PTPRD: variants seen among roughly 807,000 people sequenced by gnomAD.
The protein encoded by PTPRD is protein tyrosine phosphatase receptor type D, also known as receptor-type tyrosine-protein phosphatase delta.
In PTPRD, 34 loss-of-function variants were observed where a neutral mutation model predicts 214.5. The observed-to-expected ratio is 0.16, with a 90% confidence interval of 0.12 to 0.21. The LOEUF is 0.21. PTPRD is among the 10% of genes least tolerant of loss of function. The pLI is 1.00. For missense variants in PTPRD, 2,545 were observed against 2,398.7 expected (o/e 1.06, Z -1.27); for synonymous variants, 1,128 against 845.7 (o/e 1.33, Z -5.79).
At chr9:9,423,657 T>C (rs1444666351) in intron 8 of PTPRD, among the ~76,000 whole-genome samples, 2 of 152,086 alleles carry the variant, frequency 1.3e-5, no homozygotes, top group East Asian at 3.9e-4. Context: ...GCAACAGAGA[T>C]AACTGCATCA....
intron 11 of PTPRD, among the ~76,000 whole-genome samples, chr9:8,921,529 T>C (rs2098827896): frequency 6.6e-6 from 1 of 152,086 alleles, no homozygotes; most frequent in Non-Finnish European, 1.5e-5. Context: ...AGTCTCACTC[T>C]GTCGCCCAGG....
chr9:9,704,119 TTA>T (rs1564644013), intron 7 of PTPRD, among the ~76,000 whole-genome samples: 7 of 152,190 alleles, frequency 4.6e-5, no homozygotes. Context: ...TTTTTAAAAT[TTA>T]TATGTTAATT....
intron 4 of PTPRD, among the ~76,000 whole-genome samples, chr9:9,946,276 T>C (rs2092543677): frequency 6.6e-6 from 1 of 152,166 alleles, no homozygotes; most frequent in African/African-American, 2.4e-5. Context: ...TGGTACTCAA[T>C]ACTTGCTTAT....
intron 5 of PTPRD, among the ~76,000 whole-genome samples, chr9:9,801,209 G>A (rs182891673): frequency 4.0e-4 from 60 of 151,886 alleles, no homozygotes; most frequent in African/African-American, 1.3e-3. Context: ...ATTAGTACCC[G>A]GTATACATTC....
intron 11 of PTPRD, among the ~76,000 whole-genome samples, chr9:8,921,113 C>CTCCCAATAAATTTT (rs1208805996): frequency 1.3e-5 from 2 of 152,270 alleles, no homozygotes; most frequent in East Asian, 3.9e-4. Context: ...CGCGTCTGGC[C>CTCCCAATAAATTTT]GAAGTTATTC....
chr9:9,400,389 G>GGA lies in PTPRD; in HGVS notation c.-236-2909_-236-2908dup, dbSNP rs1338937235. On this transcript the variant is annotated intron_variant, in intron 8 of 45. Coordinates refer to ENST00000381196, the MANE Select transcript of PTPRD (RefSeq NM_002839.4). Reference sequence around the variant, plus strand: ...GTATCTGTTCTGAGGACATTTAAAAGGAGATTTTCTTTCACATGATTGAAA... The same window carrying GGA: ...GTATCTGTTCTGAGGACATTTAAAAGGAGAGATTTTCTTTCACATGATTGAAA... 6.6e-5 allele frequency among the ~76,000 whole-genome samples: 10 copies of GGA among 151,954 alleles called. No homozygotes were observed. The East Asian group carries it at 1.8e-3, about 27-fold the overall frequency.
At chr9:9,194,465 C>G (rs2099937062) in intron 9 of PTPRD, among the ~76,000 whole-genome samples, 1 of 152,136 alleles carries the variant, frequency 6.6e-6, no homozygotes, top group Non-Finnish European at 1.5e-5. Context: ...AGCATCGCCA[C>G]AAACATATGA....
chr9:9,856,233 T>C (rs561555433), intron 5 of PTPRD, among the ~76,000 whole-genome samples: 41 of 152,200 alleles, frequency 2.7e-4, no homozygotes, highest in Non-Finnish European at 3.5e-4. Context: ...CAGCCACTCT[T>C]CCTCTCTGCC....
intron 7 of PTPRD, among the ~76,000 whole-genome samples, chr9:9,698,046 T>C (rs1033919299): frequency 1.3e-5 from 2 of 152,198 alleles, no homozygotes; most frequent in African/African-American, 4.8e-5. Flanking sequence ...TTGACTTTTA[T>C]TCTGTGTTAT....
chr9:9,043,541 G>A (rs2099652267), intron 10 of PTPRD, among the ~76,000 whole-genome samples: 1 of 152,138 alleles, frequency 6.6e-6, no homozygotes, highest in Admixed American at 6.6e-5. Flanking sequence ...TGGAGAAGGT[G>A]CCACTCTATC....
chr9:8,899,010 T>C (rs1231355850), intron 11 of PTPRD, among the ~76,000 whole-genome samples: 1 of 152,180 alleles, frequency 6.6e-6, no homozygotes, highest in Admixed American at 6.6e-5. Context: ...TGAAAATTTG[T>C]CATTTTGGAT....
At chr9:8,993,870 G>A (rs1470344687) in intron 11 of PTPRD, among the ~76,000 whole-genome samples, 1 of 152,064 alleles carries the variant, frequency 6.6e-6, no homozygotes, top group Non-Finnish European at 1.5e-5. Context: ...AACCTAGCAG[G>A]AGGGACACAA....
chr9:9,759,974 G>C (rs1020948970), intron 6 of PTPRD, among the ~76,000 whole-genome samples: 1 of 151,944 alleles, frequency 6.6e-6, no homozygotes, highest in South Asian at 2.1e-4. Context: ...CTCTAACCTG[G>C]TGTTGTACAT....
intron 9 of PTPRD, among the ~76,000 whole-genome samples, chr9:9,235,796 A>G (rs1400177405): frequency 1.3e-5 from 2 of 152,150 alleles, no homozygotes; most frequent in Non-Finnish European, 2.9e-5. Flanking sequence ...CCAAATTCAG[A>G]TTAACATGAA....
intron 4 of PTPRD, among the ~76,000 whole-genome samples, chr9:10,012,231 C>T (rs2096615774): frequency 6.6e-6 from 1 of 151,628 alleles, no homozygotes; most frequent in South Asian, 2.1e-4. Flanking sequence ...AAGGGATAAT[C>T]ATCTATATGA....
intron 8 of PTPRD, among the ~76,000 whole-genome samples, chr9:9,398,496 A>T (rs1044415419): frequency 3.9e-5 from 6 of 152,000 alleles, no homozygotes; most frequent in African/African-American, 1.4e-4. Flanking sequence ...TATTTTGTCA[A>T]TCATTCTTTA....
intron 11 of PTPRD, among the ~76,000 whole-genome samples, chr9:8,888,658 C>G (rs2098511690): frequency 6.6e-6 from 1 of 152,194 alleles, no homozygotes; most frequent in Non-Finnish European, 1.5e-5. Flanking sequence ...ATGGCTGCTT[C>G]TAACTGTGGT....
intron 3 of PTPRD, among the ~76,000 whole-genome samples, chr9:10,064,274 A>T (rs757719149): frequency 6.6e-6 from 1 of 151,998 alleles, no homozygotes; most frequent in Non-Finnish European, 1.5e-5. Flanking sequence ...GTATTAACTT[A>T]AAACCTTAAT....
chr9:9,815,792 C>A (rs2048571049), intron 5 of PTPRD, among the ~76,000 whole-genome samples: 1 of 152,092 alleles, frequency 6.6e-6, no homozygotes, highest in African/African-American at 2.4e-5. Context: ...AGAGTCCAGA[C>A]TTATAAGACG....
Sources: gnomAD v4.1 joint callset for allele counts (sites outside exome capture counted in the v4.1 genomes callset) on GRCh38, gnomAD v4.1.1 for gene constraint, MANE v1.5 for transcripts, NCBI Gene and HGNC (gene_info 2026-07-23, HGNC 2026-07-21) for gene names.